Variants in PLOD2 observed in about 807,000 individuals in gnomAD.
The protein encoded by PLOD2 is procollagen-lysine,2-oxoglutarate 5-dioxygenase 2, also known as lysine hydroxylase 2.
In PLOD2, 65 loss-of-function variants were observed where a neutral mutation model predicts 101.0. The ratio of observed to expected loss-of-function variants is 0.64; its 90% CI spans 0.53 to 0.79. The LOEUF (loss-of-function observed/expected upper bound fraction) is 0.79. Ranked by LOEUF, PLOD2 falls within the 30% of genes least tolerant of loss-of-function variation. PLOD2 has a pLI of 0.00. For synonymous variants in PLOD2, 314 were observed against 302.9 expected (o/e 1.04, Z -0.38); for missense variants, 909 against 914.6 (o/e 0.99, Z 0.08).
At chr3:146,071,615 C>T (rs1018035661) in intron 17 of PLOD2, among the ~76,000 whole-genome samples, 192 bp from the exon 18 acceptor site, 16 of 151,570 alleles carry the variant, frequency 1.1e-4, no homozygotes, top group African/African-American at 2.4e-4. Flanking sequence ...GATACAATGA[C>T]GAAACAAAGT....
Position 146,088,576 on chromosome 3 carries a change from A to T in PLOD2, c.1005+10T>A. 2 of 1,529,172 alleles carry T rather than the reference A, an allele frequency of 1.3e-6. No individual in the cohort carries two copies. The highest frequency in any genetic ancestry group is 1.8e-6 in the Non-Finnish European group (2 of 1,105,450). 94.7% of individuals were successfully genotyped at this position (1,529,172 alleles called of 1,614,324 possible). Reference sequence around the variant, plus strand: ...TTTTGACATAAAATATTCATTTCTCAAATACTTACTTTGTTATGAATAAAA... The same window carrying T: ...TTTTGACATAAAATATTCATTTCTCTAATACTTACTTTGTTATGAATAAAA... On this transcript the variant is annotated intron_variant, in intron 9 of 19. Transcript: ENST00000282903.
At chr3:146,129,695 A>G (rs2030794664) in intron 1 of PLOD2, among the ~76,000 whole-genome samples, 2 of 152,196 alleles carry the variant, frequency 1.3e-5, no homozygotes, top group Admixed American at 1.3e-4. Context: ...AAACTCAGCG[A>G]GTTATAACTC....
At chr3:146,129,631 C>T (rs963284758) in intron 1 of PLOD2, among the ~76,000 whole-genome samples, 4 of 152,142 alleles carry the variant, frequency 2.6e-5, no homozygotes, top group Non-Finnish European at 4.4e-5. Context: ...TAGGCAGCAT[C>T]TCACACATAT....
In PLOD2 at chr3:146,078,064, C is replaced by T. The variant is rs567324289; in HGVS notation, c.1501-140G>A. 54 of 710,324 alleles carry T rather than the reference C, an allele frequency of 7.6e-5. No individual in the cohort carries two copies. The South Asian group carries it at 8.0e-4, about 10-fold the overall frequency. 44.0% of individuals were successfully genotyped at this position (710,324 alleles called of 1,614,324 possible). A position where few individuals can be genotyped will look rare whatever the true frequency, so the allele number is the denominator to read the frequency against. Reference sequence around the variant, plus strand: ...CTTCATAGACAACATGCAGAACAAGCAAAGCTTATAGCACACACAAAGAAA... The same window carrying T: ...CTTCATAGACAACATGCAGAACAAGTAAAGCTTATAGCACACACAAAGAAA... On this transcript the variant is annotated intron_variant, in intron 13 of 19. Coordinates refer to ENST00000282903, the MANE Select transcript of PLOD2 (RefSeq NM_182943.3).
chr3:146,086,513 A>G lies in PLOD2; in HGVS notation c.1127+274T>C, dbSNP rs550160168. 24 of 207,194 alleles carry G rather than the reference A, an allele frequency of 1.2e-4. No homozygotes were observed. The South Asian group carries it at 2.4e-3, about 21-fold the overall frequency. 12.8% of individuals were successfully genotyped at this position (207,194 alleles called of 1,614,324 possible). On this transcript the variant is annotated intron_variant, in intron 10 of 19. Coordinates refer to ENST00000282903, the MANE Select transcript of PLOD2 (RefSeq NM_182943.3). The stretch of plus-strand genomic sequence containing the variant: ...GCTATGAAAGTCATACTATTCATTT[A>G]TCTGCATTTAAAAAAAATTGATCTT...
chr3:146,085,350 T>A (rs749934043), intron 10 of PLOD2, 77 bp from the exon 11 acceptor site: 252 of 764,884 alleles, frequency 3.3e-4, no homozygotes, highest in Middle Eastern at 2.4e-4. Flanking sequence ...AATATATATA[T>A]TCTTTTATGT....
At chr3:146,078,636 T>C (rs1015872172) in intron 13 of PLOD2, among the ~76,000 whole-genome samples, 4 of 151,918 alleles carry the variant, frequency 2.6e-5, no homozygotes, top group Non-Finnish European at 4.4e-5. Context: ...AGTTTGGTGG[T>C]AATAATCCTG....
At chr3:146,126,306 T>A (rs1400889145) in intron 1 of PLOD2, among the ~76,000 whole-genome samples, 1 of 152,142 alleles carries the variant, frequency 6.6e-6, no homozygotes, top group Non-Finnish European at 1.5e-5. Flanking sequence ...TTCCTCTAAG[T>A]TGCTATTCAG....
chr3:146,124,616 C>T (rs6440420), intron 1 of PLOD2, among the ~76,000 whole-genome samples: 145,609 of 152,132 alleles, frequency 0.96, 69,911 homozygotes, highest in Non-Finnish European at 0.99. Context: ...TATGACATCA[C>T]CAGTGAGGAG....
chr3:146,109,160 G>A (rs1166372120), intron 4 of PLOD2, among the ~76,000 whole-genome samples: 2 of 152,206 alleles, frequency 1.3e-5, no homozygotes, highest in East Asian at 3.9e-4. Flanking sequence ...GTTCTCACTT[G>A]AATATGGAAG....
At chr3:146,077,073 T>A (rs1351850006) in intron 14 of PLOD2, 178 bp from the exon 15 acceptor site, 5 of 1,282,508 alleles carry the variant, frequency 3.9e-6, no homozygotes, top group Non-Finnish European at 4.9e-6. Context: ...ATTTTGATTA[T>A]GAATTCAGAC....
At position 146,086,855 on chromosome 3, in the gene PLOD2, T is replaced by C; in HGVS notation, c.1059A>G (p.Glu353=). The part of the protein sequence containing the change: ...IKVFFDKAKH[E]IKTIKIVGPE... ...GTCCTACTATTTTTATAGTTTTGATTTCATGCTTAGCTTTATCAAAAAATA... is the reference window on the plus strand; with the variant it reads ...GTCCTACTATTTTTATAGTTTTGATCTCATGCTTAGCTTTATCAAAAAATA... The change falls in exon 10 of 20, where the codon GAA becomes GAG. Residue 353 remains glutamate, a synonymous_variant. Coordinates refer to ENST00000282903, the MANE Select transcript of PLOD2 (RefSeq NM_182943.3). 6.5e-7 allele frequency: 1 copy of C among 1,539,214 alleles called. No individual in the cohort carries two copies. Among genetic ancestry groups the C allele is most frequent in the South Asian group, 1.2e-5 (1 of 83,378 alleles).
At chr3:146,072,510 C>CTTA in intron 17 of PLOD2, 51 bp downstream of exon 17, 1 of 1,084,368 alleles carries the variant, frequency 9.2e-7, no homozygotes, top group Non-Finnish European at 1.4e-6. Flanking sequence ...CTCTGAGTAT[C>CTTA]TACTTAACCC....
chr3:146,154,355 C>A (rs1171920211), intron 1 of PLOD2, among the ~76,000 whole-genome samples: 2 of 151,842 alleles, frequency 1.3e-5, no homozygotes, highest in South Asian at 4.2e-4. Context: ...AAGGACACTC[C>A]AATGTAGTAT....
chr3:146,106,387 A>G, intron 5 of PLOD2, 145 bp downstream of exon 5: 8 of 662,406 alleles, frequency 1.2e-5, no homozygotes, highest in Non-Finnish European at 2.2e-5. Flanking sequence ...CTCACCTATT[A>G]AAATATGTTT....
At chr3:146,092,394 T>A (rs1937005887) in intron 7 of PLOD2, among the ~76,000 whole-genome samples, 1 of 152,022 alleles carries the variant, frequency 6.6e-6, no homozygotes, top group Non-Finnish European at 1.5e-5. Context: ...GTAAGCTTTG[T>A]CACCAAAAGA....
chr3:146,093,090 A>G lies in PLOD2; in HGVS notation c.778-1189T>C, dbSNP rs952839115. Among the ~76,000 whole-genome samples the G allele has an allele frequency of 3.9e-5, 6 of 152,288 alleles. No homozygotes were observed. In the South Asian group the frequency reaches 1.0e-3, roughly 26 times the overall value. On this transcript the variant is annotated intron_variant, in intron 7 of 19. Coordinates refer to ENST00000282903, the MANE Select transcript of PLOD2 (RefSeq NM_182943.3). The stretch of plus-strand genomic sequence containing the variant: ...GTCAACTAGAGTTTTCTAGCTTCTT[A>G]AAGTCCTAAAGGGGATGTTAAAGTG...
At chr3:146,072,258 A>C (rs1004282859) in intron 17 of PLOD2, among the ~76,000 whole-genome samples, 9 of 116,804 alleles carry the variant, frequency 7.7e-5, no homozygotes, top group Non-Finnish European at 1.7e-4. Flanking sequence ...GAAAAGAGTG[A>C]CATCACTCTG....
chr3:146,080,439 GA>G (rs1936497280), intron 12 of PLOD2, among the ~76,000 whole-genome samples: 1 of 151,896 alleles, frequency 6.6e-6, no homozygotes, highest in Non-Finnish European at 1.5e-5. Flanking sequence ...AGATAAAGGG[GA>G]ATTACTGTAT....
Sources: gnomAD v4.1 joint callset for allele counts (sites outside exome capture counted in the v4.1 genomes callset) on GRCh38, gnomAD v4.1.1 for gene constraint, MANE v1.5 for transcripts, NCBI Gene and HGNC (gene_info 2026-07-23, HGNC 2026-07-21) for gene names.